The following PRSS16 variants were observed in gnomAD, a reference collection of about 807,000 sequenced individuals.
PRSS16 encodes the protein serine protease 16, also known as thymus-specific serine protease.
In PRSS16, 43 loss-of-function variants were observed where a neutral mutation model predicts 61.7. That is an observed-to-expected ratio of 0.70 (90% CI 0.55 to 0.90). The LOEUF (loss-of-function observed/expected upper bound fraction) is 0.90, where lower values mean the gene tolerates loss of function less well. PRSS16 is among the 40% of genes least tolerant of loss of function. The pLI, the probability that PRSS16 is intolerant of heterozygous loss-of-function variation, is 0.00. For synonymous variants in PRSS16, 273 were observed against 285.2 expected (o/e 0.96, Z 0.43); for missense variants, 591 against 659.1 (o/e 0.90, Z 1.13).
chr6:27,254,816 C>A lies in PRSS16; in HGVS notation c.1274C>A (p.Thr425Lys), dbSNP rs756472444. 1.2e-6 allele frequency: 2 copies of A among 1,614,190 alleles called. No homozygotes were observed. The highest frequency in any genetic ancestry group is 1.7e-6 in the Non-Finnish European group (2 of 1,180,032). Reference protein sequence around the residue: ...ALSVAQAVAQTNSYYGGQTPG... With the variant: ...ALSVAQAVAQKNSYYGGQTPG... ...TCAGTAGCCCAGGCTGTGGCTCAGA[C>A]GAACTCCTACTACGGTGGCCAGACC... Residue 425 changes from threonine (T) to lysine (K), a missense_variant, in exon 10 of 12, where the codon ACG becomes AAG. By Grantham distance (78) the Thr-to-Lys change is moderately conservative. Transcript: ENST00000230582.
chr6:27,250,670 C>G lies in PRSS16; in HGVS notation c.468-13C>G, dbSNP rs140761256. ...AGCGATGAGGACCGACCGAGTCCCCCCTTTGACCCTAGGCTGGCTGATGTG... is the reference window on the plus strand; with the variant it reads ...AGCGATGAGGACCGACCGAGTCCCCGCTTTGACCCTAGGCTGGCTGATGTG... On this transcript the variant is annotated splice_polypyrimidine_tract_variant and intron_variant, in intron 4 of 11. Transcript: ENST00000230582. 1 of 1,597,032 alleles carries G rather than the reference C, an allele frequency of 6.3e-7. No homozygotes were observed. Among genetic ancestry groups the G allele is most frequent in the Non-Finnish European group, 8.5e-7 (1 of 1,172,326 alleles).
At position 27,251,787 on chromosome 6, in the gene PRSS16, A is replaced by C. The variant is rs763514967; in HGVS notation, c.755A>C (p.Glu252Ala). 1.9e-6 allele frequency: 3 copies of C among 1,608,620 alleles called. No individual in the cohort carries two copies. The African/African-American group carries it at 4.0e-5, about 22-fold the overall frequency. The stretch of plus-strand genomic sequence containing the variant: ...GTGTCCGTCGCCTTCGCTGAAGTGG[A>C]GCGGCGGCTGCGCTCGGGTGGGGCG... The part of the protein sequence containing the change: ...AAVSVAFAEV[E>A]RRLRSGGAAQ... Residue 252 changes from glutamate (E) to alanine (A), a missense_variant, in exon 8 of 12, where the codon GAG becomes GCG. Transcript: ENST00000230582. This position sits in a 1 kb window ranked among gnomAD's most constrained non-coding sequence, Gnocchi z 5.6.
At chr6:27,248,525 T>C (rs1035561859) in intron 2 of PRSS16, among the ~76,000 whole-genome samples, 1 of 152,124 alleles carries the variant, frequency 6.6e-6, no homozygotes, top group African/African-American at 2.4e-5. Flanking sequence ...TGGATCTTAT[T>C]CCTAAATCCA....
chr6:27,251,559 GAGA>G lies in PRSS16; in HGVS notation c.718-188_718-186del. The G allele has an allele frequency of 1.4e-6, 1 of 730,392 alleles. No homozygotes were observed. Among genetic ancestry groups the G allele is most frequent in the East Asian group, 3.0e-5 (1 of 33,512 alleles). 45.2% of individuals were successfully genotyped at this position (730,392 alleles called of 1,614,324 possible). On this transcript the variant is annotated intron_variant, in intron 7 of 11. Transcript: ENST00000230582. This position sits in a 1 kb window ranked among gnomAD's most constrained non-coding sequence, Gnocchi z 5.6. ...AGGACGGGGCCTGCAGGGAAGACCC[GAGA>G]AGGAGGGCTGCGAGGCAGGGGATTG...
chr6:27,251,119 C>G lies in PRSS16; in HGVS notation c.669C>G (p.Asp223Glu). The change falls in exon 6 of 12, where the codon GAC (aspartate) becomes GAG (glutamate). Residue 223 changes from aspartate to glutamate, a missense_variant and splice_region_variant. Transcript: ENST00000230582. This position sits in a 1 kb window ranked among gnomAD's most constrained non-coding sequence, Gnocchi z 5.6. ...RAVLDFSEYN[D>E]VVSRSLMSTA... ...TGCTGGATTTCTCCGAGTATAATGA[C>G]GTAAGGATGGCGGGCAGCAGGTGCG... is the stretch of plus-strand genomic sequence containing the variant. The G allele has an allele frequency of 6.2e-7, 1 of 1,614,104 alleles. No homozygotes were observed. Among genetic ancestry groups the G allele is most frequent in the Non-Finnish European group, 8.5e-7 (1 of 1,180,042 alleles).
Position 27,255,039 on chromosome 6 carries a change from G to T in PRSS16, c.1384G>T (p.Glu462Ter), listed in dbSNP as rs748394645. The stretch of plus-strand genomic sequence containing the variant: ...TGTAACACAGGCTTTAGGATCCTCA[G>T]AATCAACTCTTCTTATCCGCACTGG... The part of the protein sequence containing the change: ...LSVTQALGSS[E>*]STLLIRTGSH... Residue 462 changes from glutamate (E) to a stop codon, truncating the protein, a stop_gained, in exon 11 of 12, where the codon GAA (glutamate) becomes TAA (stop). Coordinates refer to ENST00000230582, the MANE Select transcript of PRSS16 (RefSeq NM_005865.4). LOFTEE classifies it high-confidence loss of function. The surrounding 1 kb of genome is among the most constrained non-coding windows in gnomAD (Gnocchi z 4.4). 4.3e-6 allele frequency: 7 copies of T among 1,613,902 alleles called. No individual in the cohort carries two copies. The South Asian group carries it at 6.6e-5, about 15-fold the overall frequency.
In PRSS16 at chr6:27,252,362, G is replaced by T. The variant is rs749745240; in HGVS notation, c.1008+322G>T. On this transcript the variant is annotated intron_variant, in intron 8 of 11. Transcript: ENST00000230582. This position sits in a 1 kb window ranked among gnomAD's most constrained non-coding sequence, Gnocchi z 4.2. ...AATTCTCACTTAGTATTTTTAGAAT[G>T]AATGAAAAAATGTTATCTCTGGGGA... 1.7e-5 allele frequency: 7 copies of T among 417,906 alleles called. No homozygotes were observed. Among genetic ancestry groups the T allele is most frequent in the Non-Finnish European group, 3.0e-5 (7 of 236,830 alleles). The allele number at this position is 417,906 out of a possible 1,614,324, so 25.9% of individuals were successfully genotyped here.
chr6:27,253,072 C>A (rs761500748), intron 9 of PRSS16, 123 bp downstream of exon 9: 138 of 1,300,152 alleles, frequency 1.1e-4, no homozygotes, highest in Non-Finnish European at 1.5e-4. Flanking sequence ...GTGTAACCTG[C>A]AGATGTTGGG....
At position 27,247,922 on chromosome 6, in the gene PRSS16, T is replaced by C; in HGVS notation, c.111T>C (p.Phe37=). 1 of 1,602,888 alleles carries C rather than the reference T, an allele frequency of 6.2e-7. No individual in the cohort carries two copies. Among genetic ancestry groups the C allele is most frequent in the South Asian group, 1.1e-5 (1 of 89,116 alleles). The change falls in exon 2 of 12, where the codon TTT becomes TTC. Residue 37 remains phenylalanine (F), a synonymous_variant. Transcript: ENST00000230582. ...LRRLGEHIQQ[F]QESSAQGLGL... ...GCCTGGGTGAGCACATTCAGCAGTTTCAGGAGAGCTCTGCCCAGGGCCTGG... is the reference window on the plus strand; with the variant it reads ...GCCTGGGTGAGCACATTCAGCAGTTCCAGGAGAGCTCTGCCCAGGGCCTGG...
Position 27,247,894 on chromosome 6 carries a change from G to C in PRSS16, c.83G>C (p.Arg28Thr). ...CCATGTCCCACAGCCTCCCTTCTTA[G>C]GCGCCTGGGTGAGCACATTCAGCAG... ...WGLLAPASLL[R>T]RLGEHIQQFQ... Residue 28 changes from arginine to threonine, a missense_variant, in exon 2 of 12, where the codon AGG becomes ACG. Physicochemically the swap from Arg to Thr is moderately conservative, Grantham distance 71. Transcript: ENST00000230582. The C allele has an allele frequency of 6.2e-7, 1 of 1,607,912 alleles. No individual in the cohort carries two copies. Among genetic ancestry groups the C allele is most frequent in the Non-Finnish European group, 8.5e-7 (1 of 1,177,280 alleles).
chr6:27,253,697 G>C (rs1759970832), intron 9 of PRSS16: 1 of 208,080 alleles, frequency 4.8e-6, no homozygotes, highest in Non-Finnish European at 1.0e-5. Flanking sequence ...CGTAATCTTG[G>C]GCAAACTTGG....
intron 4 of PRSS16, 130 bp from the exon 5 acceptor site, chr6:27,250,553 T>C (rs988752886): frequency 1.5e-6 from 2 of 1,357,806 alleles, no homozygotes; most frequent in Non-Finnish European, 2.0e-6. Flanking sequence ...AAACACGTCA[T>C]GAGAAAACGG....
chr6:27,253,558 C>T, intron 9 of PRSS16: 1 of 422,034 alleles, frequency 2.4e-6, no homozygotes, highest in Non-Finnish European at 4.7e-6. Flanking sequence ...GTAGTGTTGC[C>T]AGATACAATA....
rs553775139 is a variant in PRSS16, at chr6:27,252,896, C to G, written c.1097C>G (p.Ser366Cys). The G allele has an allele frequency of 6.2e-7, 1 of 1,614,080 alleles. No homozygotes were observed. The highest frequency in any genetic ancestry group is 8.5e-7 in the Non-Finnish European group (1 of 1,180,046). Residue 366 changes from serine (S) to cysteine (C), a missense_variant, in exon 9 of 12, where the codon TCT (serine) becomes TGT (cysteine). Coordinates refer to ENST00000230582, the MANE Select transcript of PRSS16 (RefSeq NM_005865.4). The surrounding 1 kb of genome is among the most constrained non-coding windows in gnomAD (Gnocchi z 4.2). ...AQLRSTEPQL[S>C]GVGDRQWLYQ... ...CTGAGGAGCACAGAACCTCAACTGT[C>G]TGGTGTGGGTGACCGGCAGTGGTTG...
intron 4 of PRSS16, 147 bp from the exon 5 acceptor site, chr6:27,250,536 C>A: frequency 1.7e-6 from 2 of 1,203,556 alleles, no homozygotes; most frequent in South Asian, 1.7e-5. Flanking sequence ...GCTTGGAGAA[C>A]ACTTGGAAAC....
Position 27,248,022 on chromosome 6 carries a change from G to A in PRSS16, c.211G>A (p.Val71Met), listed in dbSNP as rs771996569. ...GGAGCAACTGCTGGACCCCTTCAAC[G>A]TGTCCGACAGACGATCCTTCCTACA... is the stretch of plus-strand genomic sequence containing the variant. ...WLEQLLDPFN[V>M]SDRRSFLQRY... Residue 71 changes from valine to methionine, a missense_variant, in exon 2 of 12, where the codon GTG (valine) becomes ATG (methionine). Physicochemically the swap from Val to Met is conservative, Grantham distance 21. Coordinates refer to ENST00000230582, the MANE Select transcript of PRSS16 (RefSeq NM_005865.4). 2.2e-5 allele frequency: 35 copies of A among 1,613,632 alleles called. No individual in the cohort carries two copies. Among genetic ancestry groups the A allele is most frequent in the African/African-American group, 2.7e-5 (2 of 74,902 alleles).
At position 27,248,839 on chromosome 6, in the gene PRSS16, C is replaced by T; in HGVS notation, c.238-8C>T. 1 of 1,578,822 alleles carries T rather than the reference C, an allele frequency of 6.3e-7. No individual in the cohort carries two copies. Among genetic ancestry groups the T allele is most frequent in the Non-Finnish European group, 8.6e-7 (1 of 1,156,430 alleles). On this transcript the variant is annotated splice_polypyrimidine_tract_variant and splice_region_variant and intron_variant, in intron 2 of 11. Coordinates refer to ENST00000230582, the MANE Select transcript of PRSS16 (RefSeq NM_005865.4). ...GTGCCATTTCTTCTTCCCCATCCCACCTCTCAGCGTTACTGGGTGAATGAC... is the reference window on the plus strand; with the variant it reads ...GTGCCATTTCTTCTTCCCCATCCCATCTCTCAGCGTTACTGGGTGAATGAC...
rs5030966 is a variant in PRSS16, at chr6:27,249,007, G to A, written c.337+61G>A. On this transcript the variant is annotated intron_variant, in intron 3 of 11. Transcript: ENST00000230582. ...CTGGTGGGGACCAGGAAGGGGAGCT[G>A]CATATTGCAATGCTGTGAGACCTGA... 7.0e-3 allele frequency: 10,750 copies of A among 1,534,720 alleles called. 66 individuals carry two copies. Among genetic ancestry groups the A allele is most frequent in the African/African-American group, 0.027 (1,973 of 73,238 alleles).
At position 27,254,837 on chromosome 6, in the gene PRSS16, A is replaced by G. The variant is rs746529766; in HGVS notation, c.1295A>G (p.Gln432Arg). 6.2e-7 allele frequency: 1 copy of G among 1,614,196 alleles called. No homozygotes were observed. Among genetic ancestry groups the G allele is most frequent in the Non-Finnish European group, 8.5e-7 (1 of 1,180,020 alleles). Residue 432 changes from glutamine to arginine, a missense_variant, in exon 10 of 12, where the codon CAG becomes CGG. Gln to Arg is a conservative substitution (Grantham distance 43). Transcript: ENST00000230582. Reference protein sequence around the residue: ...VAQTNSYYGGQTPGANKVLFV... With the variant: ...VAQTNSYYGGRTPGANKVLFV... The stretch of plus-strand genomic sequence containing the variant: ...CAGACGAACTCCTACTACGGTGGCC[A>G]GACCCCTGGGGCTAACAAAGTGCTG...
Sources: allele counts gnomAD v4.1 joint callset (sites outside exome capture counted in the v4.1 genomes callset), GRCh38; gene constraint gnomAD v4.1.1; non-coding constraint Gnocchi (gnomAD v3.1); transcripts MANE v1.5; gene names NCBI Gene and HGNC (gene_info 2026-07-23, HGNC 2026-07-21).